ARNT2: variants seen among roughly 807,000 people sequenced by gnomAD.
ARNT2 encodes the protein aryl hydrocarbon receptor nuclear translocator 2, also known as ARNT protein 2.
Under a neutral mutation model 91.7 loss-of-function variants are expected in ARNT2, and 36 were observed. The observed-to-expected ratio is 0.39, with a 90% CI of 0.30 to 0.52. ARNT2 has a LOEUF of 0.52. Ranked by LOEUF, ARNT2 falls within the 20% of genes least tolerant of loss-of-function variation. ARNT2 has a pLI of 0.72. For synonymous variants in ARNT2, 365 were observed against 347.1 expected (o/e 1.05, Z -0.57); for missense variants, 775 against 939.3 (o/e 0.83, Z 2.29).
intron 8 of ARNT2, among the ~76,000 whole-genome samples, chr15:80,536,718 A>G (rs1897830531): frequency 6.6e-6 from 1 of 152,176 alleles, no homozygotes; most frequent in African/African-American, 2.4e-5. Flanking sequence ...CATCATGGGT[A>G]AAAGGAAGCA....
In ARNT2 at chr15:80,424,692, C is replaced by A. The variant is rs1159272205; in HGVS notation, c.31+20146C>A. Among the ~76,000 whole-genome samples the A allele has an allele frequency of 5.3e-5, 8 of 152,006 alleles. 1 individual carries two copies. Among genetic ancestry groups the A allele is most frequent in the African/African-American group, 1.9e-4 (8 of 41,348 alleles). On this transcript the variant is annotated intron_variant, in intron 1 of 18. Coordinates refer to ENST00000303329, the MANE Select transcript of ARNT2 (RefSeq NM_014862.4). ...CTTACTGCTTCACTATTGCCTGGAA[C>A]CTTTCCCTTTCAGTGGTCTGAGTCA...
In ARNT2 at chr15:80,576,959, C is replaced by G; in HGVS notation, c.1607C>G (p.Ala536Gly). 3.7e-6 allele frequency: 6 copies of G among 1,613,998 alleles called. No individual in the cohort carries two copies. Among genetic ancestry groups the G allele is most frequent in the Non-Finnish European group, 4.2e-6 (5 of 1,179,992 alleles). Residue 536 changes from alanine (A) to glycine (G), a missense_variant, in exon 15 of 19, where the codon GCC (alanine) becomes GGC (glycine). Ala to Gly is a moderately conservative substitution (Grantham distance 60). This residue lies in a region of ARNT2 where 325 missense variants were observed against 359.9 expected (regional missense o/e 0.90). Coordinates refer to ENST00000303329, the MANE Select transcript of ARNT2 (RefSeq NM_014862.4). ...TTTCCCTCTGGACACTCCGGGAAGGCCTTCAGGTATGTGCCAGCGAGGGGG... is the reference window on the plus strand; with the variant it reads ...TTTCCCTCTGGACACTCCGGGAAGGGCTTCAGGTATGTGCCAGCGAGGGGG... ...SPFPSGHSGK[A>G]FSSSVVHVPG...
chr15:80,421,375 G>A (rs1043000310), intron 1 of ARNT2, among the ~76,000 whole-genome samples: 1 of 119,906 alleles, frequency 8.3e-6, no homozygotes, highest in African/African-American at 3.2e-5. Context: ...AAAACCAGTT[G>A]TACCCCTAAA....
intron 5 of ARNT2, among the ~76,000 whole-genome samples, chr15:80,488,375 A>T (rs921617020): frequency 6.6e-6 from 1 of 152,244 alleles, no homozygotes; most frequent in African/African-American, 2.4e-5. Flanking sequence ...TAATGCTAAA[A>T]GTCACCTCCT....
intron 1 of ARNT2, among the ~76,000 whole-genome samples, chr15:80,419,671 T>C (rs1259640440): frequency 6.6e-6 from 1 of 152,182 alleles, no homozygotes; most frequent in African/African-American, 2.4e-5. Context: ...CCTTTTCTCT[T>C]TGGGCTTTTG....
intron 5 of ARNT2, among the ~76,000 whole-genome samples, chr15:80,492,058 C>G (rs1484443979): frequency 6.6e-6 from 1 of 150,384 alleles, no homozygotes; most frequent in Non-Finnish European, 1.5e-5. Context: ...CTTTTTTTTT[C>G]TAGACAGGGT....
intron 6 of ARNT2, 76 bp downstream of exon 6, chr15:80,508,334 A>G (rs780794935): frequency 4.4e-5 from 64 of 1,466,498 alleles, no homozygotes; most frequent in Non-Finnish European, 5.9e-5. Flanking sequence ...AGCCTTGACC[A>G]GCTCTGCCGC....
chr15:80,420,932 T>A (rs1393467905), intron 1 of ARNT2, among the ~76,000 whole-genome samples: 1 of 152,132 alleles, frequency 6.6e-6, no homozygotes, highest in East Asian at 1.9e-4. Flanking sequence ...AAGAAGTCAT[T>A]ATGTCAAAAC....
At chr15:80,419,582 A>T (rs1263089440) in intron 1 of ARNT2, among the ~76,000 whole-genome samples, 1 of 152,226 alleles carries the variant, frequency 6.6e-6, no homozygotes, top group Non-Finnish European at 1.5e-5. Context: ...CTAGGCATCC[A>T]GCAGCGTGAG....
At chr15:80,483,404 C>CTA (rs1896919246) in intron 5 of ARNT2, among the ~76,000 whole-genome samples, 1 of 152,218 alleles carries the variant, frequency 6.6e-6, no homozygotes, top group African/African-American at 2.4e-5. Context: ...CTCAACTGCC[C>CTA]TACTTGTGTT....
intron 1 of ARNT2, among the ~76,000 whole-genome samples, chr15:80,409,087 A>G (rs1011271576): frequency 6.6e-6 from 1 of 152,184 alleles, no homozygotes; most frequent in African/African-American, 2.4e-5. Context: ...ATTATCACCC[A>G]AAGTCCATAG....
chr15:80,459,139 G>A (rs756906178), intron 3 of ARNT2, among the ~76,000 whole-genome samples: 4 of 152,100 alleles, frequency 2.6e-5, no homozygotes, highest in African/African-American at 4.8e-5. Context: ...TAGTAAACTC[G>A]CATCATGCCA....
intron 8 of ARNT2, among the ~76,000 whole-genome samples, chr15:80,521,891 T>A (rs1217014452): frequency 6.6e-6 from 1 of 152,126 alleles, no homozygotes; most frequent in African/African-American, 2.4e-5. Context: ...CCAAGTCCTA[T>A]CTCTGACCAA....
chr15:80,434,598 G>A (rs1488415095), intron 1 of ARNT2: 1 of 152,546 alleles, frequency 6.6e-6, no homozygotes, highest in Non-Finnish European at 1.5e-5. Flanking sequence ...GCATTAGTAG[G>A]ACTCAGAGAT....
At chr15:80,441,197 C>T (rs1019496086) in intron 1 of ARNT2, 32 of 984,372 alleles carry the variant, frequency 3.3e-5, no homozygotes, top group African/African-American at 8.7e-5. Context: ...ACAGTTGTCA[C>T]GGCTGAATCA....
At chr15:80,456,095 GGCT>G (rs1376492638) in intron 2 of ARNT2, among the ~76,000 whole-genome samples, 2 of 152,110 alleles carry the variant, frequency 1.3e-5, no homozygotes, top group African/African-American at 4.8e-5. Flanking sequence ...GTGGGGTGAT[GGCT>G]TAGTAATTAT....
At chr15:80,481,116 A>G (rs887358270) in intron 5 of ARNT2, among the ~76,000 whole-genome samples, 10 of 152,200 alleles carry the variant, frequency 6.6e-5, no homozygotes, top group African/African-American at 2.4e-4. Flanking sequence ...CATGATTCAC[A>G]TGTCCCAATC....
intron 18 of ARNT2, among the ~76,000 whole-genome samples, chr15:80,593,339 G>C (rs1044817788): frequency 2.0e-5 from 3 of 152,216 alleles, no homozygotes; most frequent in African/African-American, 7.2e-5. Flanking sequence ...CTGGGTCCCT[G>C]ACTCAACCTT....
intron 1 of ARNT2, among the ~76,000 whole-genome samples, chr15:80,438,804 C>T (rs1170278946): frequency 4.6e-5 from 7 of 152,210 alleles, no homozygotes; most frequent in Admixed American, 6.5e-5. Context: ...ATTCTCCTGC[C>T]TCAGCCTCCC....
Sources: gnomAD v4.1 joint callset for allele counts (sites outside exome capture counted in the v4.1 genomes callset) on GRCh38, gnomAD v4.1.1 for gene constraint, gnomAD v4.1.1 regional missense constraint, MANE v1.5 for transcripts, NCBI Gene and HGNC (gene_info 2026-07-23, HGNC 2026-07-21) for gene names.